The following ANK3 variants were observed in gnomAD, a reference collection of about 807,000 sequenced individuals.
ANK3 encodes ankyrin-3.
A neutral mutation model predicts 370.9 loss-of-function variants in ANK3; 57 were observed. That is an observed-to-expected ratio of 0.15 (90% CI 0.12 to 0.19). The LOEUF is 0.19. Among genes scored for constraint, ANK3 ranks in the 10% least tolerant of loss-of-function variants. The pLI is 1.00. For synonymous variants in ANK3, 1,929 were observed against 1,946.3 expected, an observed-to-expected ratio of 0.99 and a Z score of 0.23; for missense variants, 4,439 against 5,302.1, an observed-to-expected ratio of 0.84 and a Z score of 5.06.
chr10:60,314,397 C>T (rs889747157), intron 1 of ANK3, among the ~76,000 whole-genome samples: 4 of 152,120 alleles, frequency 2.6e-5, no homozygotes, highest in African/African-American at 9.7e-5. Flanking sequence ...CTGGAGAGAG[C>T]TTGCAGGACA....
At chr10:60,501,985 C>A (rs577539113) in intron 2 of ANK3, among the ~76,000 whole-genome samples, 1 of 151,958 alleles carries the variant, frequency 6.6e-6, no homozygotes, top group Non-Finnish European at 1.5e-5. Context: ...GAGACTCTGT[C>A]CATTATGCAG....
intron 7 of ANK3, among the ~76,000 whole-genome samples, chr10:60,247,239 G>A (rs562585787): frequency 4.7e-4 from 72 of 152,070 alleles, no homozygotes; most frequent in Admixed American, 1.6e-3. Flanking sequence ...GGATGGTCTC[G>A]ATCTCCTGAC....
chr10:60,353,200 G>T (rs1392712120), intron 1 of ANK3, among the ~76,000 whole-genome samples: 1 of 145,250 alleles, frequency 6.9e-6, no homozygotes, highest in East Asian at 2.0e-4. Context: ...ACTATGTTGC[G>T]CAGGCTGGTC....
rs548603863 is a variant in ANK3, at chr10:60,048,580, A to G, written c.13066-5821T>C. On this transcript the variant is annotated intron_variant, in intron 42 of 43. Coordinates refer to ENST00000280772, the MANE Select transcript of ANK3 (RefSeq NM_020987.5). ...GCATATAAGCTACACATATTCTCCC[A>G]TATACTTTAAATCACCTCTAGATAA... 3.9e-5 allele frequency among the ~76,000 whole-genome samples: 6 copies of G among 152,314 alleles called. No individual in the cohort carries two copies. In the East Asian group the frequency reaches 1.2e-3, roughly 29 times the overall value.
At chr10:60,450,632 CG>C (rs796389201) in intron 2 of ANK3, among the ~76,000 whole-genome samples, 8 of 152,110 alleles carry the variant, frequency 5.3e-5, no homozygotes, top group African/African-American at 1.9e-4. Context: ...TCAAAAAAAG[CG>C]TAAGTTCTTC....
intron 28 of ANK3, among the ~76,000 whole-genome samples, chr10:60,099,386 G>T (rs2090770363): frequency 6.6e-6 from 1 of 152,166 alleles, no homozygotes; most frequent in Admixed American, 6.5e-5. Context: ...GTTGGTCTCT[G>T]CCCTCTTGGA....
intron 1 of ANK3, among the ~76,000 whole-genome samples, chr10:60,301,413 ATTTTT>A (rs769439635): frequency 8.1e-6 from 1 of 123,798 alleles, no homozygotes. Context: ...CACAATATAC[ATTTTT>A]TTTTTTTTTT....
chr10:60,423,856 C>G (rs2132958241), intron 2 of ANK3, among the ~76,000 whole-genome samples: 1 of 152,138 alleles, frequency 6.6e-6, no homozygotes, highest in African/African-American at 2.4e-5. Context: ...TTCTAGAGTG[C>G]CACAGCACGC....
rs116192962 is a variant in ANK3, at chr10:60,508,130, A to C, written c.96+107056T>G. The stretch of plus-strand genomic sequence containing the variant: ...TCAGCCAAGTGTTTTTCTTTTCTCT[A>C]AGCTACAAAAACCACTTCATGACAA... On this transcript the variant is annotated intron_variant, in intron 2 of 43. Transcript: ENST00000373827. 190 of 152,250 alleles carry C rather than the reference A, an allele frequency of 1.2e-3. 1 individual carries two copies. Among genetic ancestry groups the C allele is most frequent in the African/African-American group, 4.4e-3 (181 of 41,556 alleles). The allele number at this position is 152,250 out of a possible 1,614,324, so 9.4% of individuals were successfully genotyped here. A position where few individuals can be genotyped will look rare whatever the true frequency, so the allele number is the denominator to read the frequency against.
intron 2 of ANK3, among the ~76,000 whole-genome samples, chr10:60,583,332 A>G (rs2077781294): frequency 1.3e-5 from 2 of 152,140 alleles, no homozygotes; most frequent in Non-Finnish European, 2.9e-5. Flanking sequence ...AGAGAGTAGA[A>G]TAGTGGTTAC....
chr10:60,449,849 C>G (rs770614556), intron 2 of ANK3, among the ~76,000 whole-genome samples: 32 of 152,228 alleles, frequency 2.1e-4, no homozygotes, highest in Non-Finnish European at 4.1e-4. Context: ...TCAAGGGACT[C>G]AAAATCTAGC....
At chr10:60,398,881 A>G (rs2063297623) in intron 2 of ANK3, among the ~76,000 whole-genome samples, 1 of 152,210 alleles carries the variant, frequency 6.6e-6, no homozygotes, top group African/African-American at 2.4e-5. Flanking sequence ...TATCTGGTTC[A>G]CTATGTCCAG....
At chr10:60,596,235 G>C (rs537594350) in intron 2 of ANK3, among the ~76,000 whole-genome samples, 1 of 152,124 alleles carries the variant, frequency 6.6e-6, no homozygotes, top group South Asian at 2.1e-4. Context: ...TTAATAATTA[G>C]ATACTGGGAA....
At chr10:60,355,516 G>A (rs2057588488) in intron 1 of ANK3, among the ~76,000 whole-genome samples, 1 of 152,126 alleles carries the variant, frequency 6.6e-6, no homozygotes, top group South Asian at 2.1e-4. Context: ...CTTCCATATG[G>A]CTTTATCACT....
chr10:60,116,400 T>A (rs1454647678), intron 25 of ANK3, among the ~76,000 whole-genome samples: 1 of 152,158 alleles, frequency 6.6e-6, no homozygotes, highest in African/African-American at 2.4e-5. Context: ...ATGAGCTTAT[T>A]AATGAGTAGA....
chr10:60,269,566 A>C (rs1196449388), intron 5 of ANK3, among the ~76,000 whole-genome samples: 1 of 151,252 alleles, frequency 6.6e-6, no homozygotes, highest in Non-Finnish European at 1.5e-5. Context: ...AATTGCTTGA[A>C]CCCGGGAGGC....
intron 1 of ANK3, among the ~76,000 whole-genome samples, chr10:60,309,922 CTTTTTTTT>C (rs71015785): frequency 5.2e-5 from 7 of 134,270 alleles, no homozygotes; most frequent in Admixed American, 1.5e-4. Context: ...TTTCTTTTTT[CTTTTTTTT>C]TTTTTTTTGT....
chr10:60,453,993 T>G (rs535759635), intron 2 of ANK3, among the ~76,000 whole-genome samples: 3 of 152,192 alleles, frequency 2.0e-5, no homozygotes, highest in Non-Finnish European at 4.4e-5. Flanking sequence ...ACATTTTAAG[T>G]TAAACAATGA....
intron 2 of ANK3, among the ~76,000 whole-genome samples, chr10:60,492,925 A>T (rs1252228701): frequency 1.4e-5 from 2 of 147,954 alleles, no homozygotes; most frequent in African/African-American, 5.0e-5. Flanking sequence ...AAATACAAAA[A>T]AAAAATTAGC....
Sources: gnomAD v4.1 joint callset for allele counts (sites outside exome capture counted in the v4.1 genomes callset) on GRCh38, gnomAD v4.1.1 for gene constraint, MANE v1.5 for transcripts, NCBI Gene and HGNC (gene_info 2026-07-23, HGNC 2026-07-21) for gene names.